NMRAL1: variants seen among roughly 807,000 people sequenced by gnomAD.
The protein encoded by NMRAL1 is nmrA-like family domain-containing protein 1.
Under a neutral mutation model 27.5 loss-of-function variants are expected in NMRAL1, and 32 were observed. The ratio of observed to expected loss-of-function variants is 1.16; its 90% confidence interval spans 0.88 to 1.56. The LOEUF (loss-of-function observed/expected upper bound fraction) is 1.56, where lower values mean the gene tolerates loss of function less well. NMRAL1 is among the 40% of genes most tolerant of loss of function. The pLI is 0.00. For missense variants in NMRAL1, 420 were observed against 392.0 expected (o/e 1.07, Z -0.60); for synonymous variants, 166 against 166.8 (o/e 1.00, Z 0.04).
intron 5 of NMRAL1, among the ~76,000 whole-genome samples, chr16:4,463,215 C>T (rs2141415105): frequency 6.6e-6 from 1 of 152,304 alleles, no homozygotes; most frequent in Middle Eastern, 3.4e-3. Flanking sequence ...CATTAGAAAC[C>T]AGGTACCCAA....
At chr16:4,472,904 T>C (rs1567364891) in intron 2 of NMRAL1, among the ~76,000 whole-genome samples, 1 of 151,976 alleles carries the variant, frequency 6.6e-6, no homozygotes, top group East Asian at 1.9e-4. Flanking sequence ...CAAAAGTAGA[T>C]TGGAGCTTTC....
chr16:4,462,879 T>C (rs1329674715), intron 5 of NMRAL1, among the ~76,000 whole-genome samples: 1 of 150,880 alleles, frequency 6.6e-6, no homozygotes, highest in African/African-American at 2.4e-5. Context: ...TTTTTTGGAG[T>C]TGGAGTCTCG....
chr16:4,468,615 C>CAGAA (rs2057421600), intron 3 of NMRAL1, among the ~76,000 whole-genome samples: 2 of 128,262 alleles, frequency 1.6e-5, no homozygotes, highest in African/African-American at 6.4e-5. Context: ...GACTCAGTCT[C>CAGAA]AAAAAAAAAA....
Position 4,461,822 on chromosome 16 carries a change from G to C in NMRAL1, c.858C>G (p.Asp286Glu), listed in dbSNP as rs770043309. 23 of 1,614,206 alleles carry C rather than the reference G, an allele frequency of 1.4e-5. No homozygotes were observed. The African/African-American group carries it at 2.7e-4, about 19-fold the overall frequency. Residue 286 changes from aspartate to glutamate, a missense_variant, in exon 6 of 6, where the codon GAC becomes GAG. By Grantham distance (45) the Asp-to-Glu change is conservative (BLOSUM62 2). Transcript: ENST00000283429. Reference sequence around the variant, plus strand: ...CCCCTTTGTGCTGTTCCAGCCACTGGTCCAGCGTCAGGGCCTTGGGGTTGA... The same window carrying C: ...CCCCTTTGTGCTGTTCCAGCCACTGCTCCAGCGTCAGGGCCTTGGGGTTGA... ...LRLNPKALTLDQWLEQHKGDF... is the reference protein window; with the variant it reads ...LRLNPKALTLEQWLEQHKGDF...
intron 2 of NMRAL1, among the ~76,000 whole-genome samples, chr16:4,469,902 C>T (rs575338234): frequency 1.3e-4 from 19 of 149,266 alleles, no homozygotes; most frequent in African/African-American, 2.2e-4. Flanking sequence ...TGGTGGCTCA[C>T]GCCTGTAATC....
chr16:4,469,690 AC>A (rs1166101037), intron 2 of NMRAL1: 44 of 849,218 alleles, frequency 5.2e-5, no homozygotes, highest in Non-Finnish European at 6.4e-5. Context: ...GCTTGGTGAA[AC>A]CCCGCCTCTA....
chr16:4,476,147 C>G (rs551091916), upstream of NMRAL1: 1 of 152,380 alleles, frequency 6.6e-6, no homozygotes, highest in East Asian at 1.9e-4. Flanking sequence ...TTAAACCACA[C>G]TGGGGAAGAA....
intron 1 of NMRAL1, 69 bp downstream of exon 1, chr16:4,474,485 G>T (rs777609562): frequency 3.7e-6 from 1 of 268,218 alleles, no homozygotes; most frequent in Non-Finnish European, 7.3e-6. Context: ...CTGCGGCCGA[G>T]TCCACTGCAG....
In NMRAL1 at chr16:4,469,407, T is replaced by C. The variant is rs1421979331; in HGVS notation, c.99A>G (p.Arg33=). Residue 33 remains arginine, a synonymous_variant, in exon 3 of 6, where the codon CGA becomes CGG. Transcript: ENST00000283429. ...TLLEDGTFKV[R]VVTRNPRKKA... is the part of the protein sequence containing the mutation. ...TCTTCCTAGGGTTTCGGGTCACCAC[T>C]CGAACCTTGAATGTCCCATCTTCCA... The C allele has an allele frequency of 6.2e-7, 1 of 1,614,102 alleles. No homozygotes were observed. Among genetic ancestry groups the C allele is most frequent in the South Asian group, 1.1e-5 (1 of 91,078 alleles).
chr16:4,470,718 C>T (rs1246170328), intron 2 of NMRAL1, among the ~76,000 whole-genome samples: 1 of 151,890 alleles, frequency 6.6e-6, no homozygotes, highest in Non-Finnish European at 1.5e-5. Context: ...GAGGCCGAGG[C>T]GGGCGGATCA....
chr16:4,466,011 CAGG>C (rs1555490893), intron 4 of NMRAL1, 139 bp downstream of exon 4: 4 of 932,624 alleles, frequency 4.3e-6, no homozygotes, highest in Non-Finnish European at 4.9e-6. Flanking sequence ...CGCAAGCTGA[CAGG>C]ATGTGCTCAG....
intron 4 of NMRAL1, among the ~76,000 whole-genome samples, chr16:4,465,757 G>A (rs144696054): frequency 6.6e-6 from 1 of 151,944 alleles, no homozygotes; most frequent in Non-Finnish European, 1.5e-5. Context: ...AGTAGAGATG[G>A]GGTTTCACCA....
At chr16:4,466,672 G>C (rs144174499) in intron 3 of NMRAL1, 192 of 486,010 alleles carry the variant, frequency 4.0e-4, no homozygotes, top group African/African-American at 3.1e-3. Context: ...CAGGGGGACG[G>C]CCTGCATGGA....
chr16:4,474,157 G>A lies in NMRAL1; in HGVS notation c.-25C>T. On this transcript the variant is annotated 5_prime_UTR_variant, in exon 2 of 6. Coordinates refer to ENST00000283429, the MANE Select transcript of NMRAL1 (RefSeq NM_020677.6). ...TGAGGACGAGAATGGGACGAATCCG[G>A]TCCAGAGATCTGGGGGTAATGGGAG... 6.2e-7 allele frequency: 1 copy of A among 1,608,188 alleles called. No homozygotes were observed. Among genetic ancestry groups the A allele is most frequent in the Non-Finnish European group, 8.5e-7 (1 of 1,176,622 alleles).
Position 4,474,174 on chromosome 16 carries a change from T to A in NMRAL1, c.-34-8A>T, listed in dbSNP as rs367590684. ...CGAATCCGGTCCAGAGATCTGGGGG[T>A]AATGGGAGGCGTGGAGTTGGGGGTG... is the stretch of plus-strand genomic sequence containing the variant. On this transcript the variant is annotated splice_polypyrimidine_tract_variant and splice_region_variant and intron_variant, in intron 1 of 5. Transcript: ENST00000283429. 5 of 1,599,862 alleles carry A rather than the reference T, an allele frequency of 3.1e-6. No homozygotes were observed. Among genetic ancestry groups the A allele is most frequent in the Non-Finnish European group, 4.3e-6 (5 of 1,171,534 alleles).
chr16:4,464,002 G>T (rs1388516770), intron 4 of NMRAL1, 152 bp from the exon 5 acceptor site: 2 of 590,854 alleles, frequency 3.4e-6, no homozygotes, highest in Non-Finnish European at 5.9e-6. Context: ...TGCTATTTGT[G>T]GTAGCACAGA....
intron 5 of NMRAL1, 176 bp downstream of exon 5, chr16:4,463,484 A>C: frequency 5.1e-6 from 3 of 587,742 alleles, no homozygotes; most frequent in Non-Finnish European, 2.9e-6. Flanking sequence ...CATCTAAGCC[A>C]GAAATTTCAC....
At chr16:4,475,830 T>C (rs564460582), upstream of NMRAL1, 1 of 152,040 alleles carries the variant, frequency 6.6e-6, no homozygotes, top group African/African-American at 2.4e-5. Flanking sequence ...TCCCAGCTAT[T>C]CGGGAGGTTA....
Position 4,469,300 on chromosome 16 carries a change from A to C in NMRAL1, c.206T>G (p.Leu69Arg), listed in dbSNP as rs762037419. The C allele has an allele frequency of 5.6e-6, 9 of 1,614,072 alleles. No homozygotes were observed. Among genetic ancestry groups the C allele is most frequent in the Non-Finnish European group, 7.6e-6 (9 of 1,180,022 alleles). ...QDDQVIMELA[L>R]NGAYATFIVT... ...GATGAAGGTGGCGTAAGCCCCATTC[A>C]GGGCCAGCTCCATGATGACCTGGTC... Residue 69 changes from leucine to arginine, a missense_variant, in exon 3 of 6, where the codon CTG (leucine) becomes CGG (arginine). Coordinates refer to ENST00000283429, the MANE Select transcript of NMRAL1 (RefSeq NM_020677.6).
Sources: gnomAD v4.1 joint callset for allele counts (sites outside exome capture counted in the v4.1 genomes callset) on GRCh38, gnomAD v4.1.1 for gene constraint, MANE v1.5 for transcripts, NCBI Gene and HGNC (gene_info 2026-07-23, HGNC 2026-07-21) for gene names.